RNF220: variants seen among roughly 807,000 people sequenced by gnomAD.
RNF220 encodes the protein ring finger protein 220.
In RNF220, 7 loss-of-function variants were observed where a neutral mutation model predicts 67.1. That is an observed-to-expected ratio of 0.10 (90% CI 0.06 to 0.20). RNF220 has a LOEUF of 0.20. RNF220 is among the 10% of genes least tolerant of loss of function. The probability of loss-of-function intolerance (pLI) is 1.00; values close to 1 mark genes in which losing one functional copy is unlikely to be tolerated. For synonymous variants in RNF220, 270 were observed against 283.2 expected, an observed-to-expected ratio of 0.95 and a Z score of 0.47; for missense variants, 565 against 740.3, an observed-to-expected ratio of 0.76 and a Z score of 2.75.
At chr1:44,635,410 T>C (rs369471881) in intron 6 of RNF220, 135 bp from the exon 7 acceptor site, 19 of 1,355,362 alleles carry the variant, frequency 1.4e-5, no homozygotes, top group South Asian at 1.3e-4. Flanking sequence ...TATTTCAAGA[T>C]GAGGGCCAGA....
intron 2 of RNF220, among the ~76,000 whole-genome samples, chr1:44,548,243 A>G (rs272567): frequency 0.99 from 151,104 of 152,292 alleles, 74,969 homozygotes; most frequent in Middle Eastern, 1. Flanking sequence ...CTTCTGACCA[A>G]TGTTCACCAT....
chr1:44,454,243 A>G (rs780764679), intron 2 of RNF220, among the ~76,000 whole-genome samples: 19 of 152,152 alleles, frequency 1.2e-4, no homozygotes, highest in Non-Finnish European at 2.4e-4. Flanking sequence ...TCATCTGTAA[A>G]TTATTTGAAA....
At chr1:44,482,920 C>CTTTTTTT (rs34268893) in intron 2 of RNF220, among the ~76,000 whole-genome samples, 23 of 69,162 alleles carry the variant, frequency 3.3e-4, no homozygotes, top group African/African-American at 7.0e-4. Context: ...CACACCCAGC[C>CTTTTTTT]TTTTTTTTTT....
At chr1:44,578,600 TAG>T (rs1665002507) in intron 2 of RNF220, among the ~76,000 whole-genome samples, 3 of 152,170 alleles carry the variant, frequency 2.0e-5, no homozygotes, top group African/African-American at 7.2e-5. Flanking sequence ...CTTCAGGGGA[TAG>T]AGAGTTCTGT....
chr1:44,647,916 C>T (rs1350274476), intron 12 of RNF220, among the ~76,000 whole-genome samples: 3 of 152,324 alleles, frequency 2.0e-5, no homozygotes, highest in East Asian at 1.9e-4. Flanking sequence ...CTGAGCTGTT[C>T]GTACCCCCAC....
chr1:44,552,547 C>A (rs943053650), intron 2 of RNF220, among the ~76,000 whole-genome samples: 1 of 146,698 alleles, frequency 6.8e-6, no homozygotes, highest in South Asian at 2.2e-4. Flanking sequence ...CAATGGCTCC[C>A]TGCTATTCTA....
chr1:44,506,713 G>C (rs1658464198), intron 2 of RNF220, among the ~76,000 whole-genome samples: 1 of 152,230 alleles, frequency 6.6e-6, no homozygotes, highest in South Asian at 2.1e-4. Flanking sequence ...ACGAACACTG[G>C]AGTAGGAGCC....
intron 2 of RNF220, among the ~76,000 whole-genome samples, chr1:44,488,727 C>CTTTTTTTTTTTTTTTTT (rs55968850): frequency 1.9e-5 from 2 of 102,566 alleles, no homozygotes; most frequent in African/African-American, 3.6e-5. Flanking sequence ...TTTCTTTTTT[C>CTTTTTTTTTTTTTTTTT]TTTTTTTTTT....
At chr1:44,538,296 T>C (rs1300678209) in intron 2 of RNF220, among the ~76,000 whole-genome samples, 1 of 152,222 alleles carries the variant, frequency 6.6e-6, no homozygotes, top group East Asian at 1.9e-4. Context: ...GTCATGTCTT[T>C]TCCGTCTGAT....
chr1:44,495,763 TTG>T (rs1181282189), intron 2 of RNF220, among the ~76,000 whole-genome samples: 3 of 152,262 alleles, frequency 2.0e-5, no homozygotes, highest in Non-Finnish European at 4.4e-5. Flanking sequence ...AGAATAAACT[TTG>T]TATATATTGG....
At chr1:44,489,147 G>A (rs1385540404) in intron 2 of RNF220, among the ~76,000 whole-genome samples, 3 of 152,132 alleles carry the variant, frequency 2.0e-5, no homozygotes, top group East Asian at 1.9e-4. Flanking sequence ...GAGTTGAAGC[G>A]TTCTTGTATT....
chr1:44,511,906 C>CGTGT (rs571261660), intron 2 of RNF220, among the ~76,000 whole-genome samples: 7 of 80,102 alleles, frequency 8.7e-5, no homozygotes, highest in African/African-American at 3.4e-4. Context: ...AATTGAGAAG[C>CGTGT]GTGTGTGTGC....
Position 44,645,554 on chromosome 1 carries a change from CAGGA to C in RNF220, c.1445+70_1445+73del. ...AGTGGGAGGAGGGGCCCTTTGCTAG[CAGGA>C]AGGCCTGCTGCCAGGGCTTCTGGCC... On this transcript the variant is annotated intron_variant, in intron 12 of 14. Transcript: ENST00000361799. This position sits in a 1 kb window ranked among gnomAD's most constrained non-coding sequence, Gnocchi z 5.0. The C allele has an allele frequency of 1.3e-6, 2 of 1,516,582 alleles. No homozygotes were observed. Among genetic ancestry groups the C allele is most frequent in the Non-Finnish European group, 1.8e-6 (2 of 1,100,462 alleles). The allele number at this position is 1,516,582 out of a possible 1,614,324, so 93.9% of individuals were successfully genotyped here.
At chr1:44,462,180 G>A (rs1275384813) in intron 2 of RNF220, among the ~76,000 whole-genome samples, 5 of 151,734 alleles carry the variant, frequency 3.3e-5, no homozygotes, top group Admixed American at 6.6e-5. Context: ...TGATCCGCCC[G>A]CCTCGGCCTC....
intron 2 of RNF220, among the ~76,000 whole-genome samples, chr1:44,510,513 T>A (rs770611596): frequency 4.6e-5 from 7 of 152,220 alleles, no homozygotes; most frequent in Non-Finnish European, 7.3e-5. Context: ...GTTTGTCTAA[T>A]ACGCAGGCTT....
At chr1:44,413,253 A>G (rs774410540) in intron 2 of RNF220, among the ~76,000 whole-genome samples, 11 of 152,198 alleles carry the variant, frequency 7.2e-5, no homozygotes, top group Non-Finnish European at 1.0e-4. Context: ...GGTGTCGTCA[A>G]TCACCATAAA....
intron 2 of RNF220, among the ~76,000 whole-genome samples, chr1:44,592,778 C>T (rs1288594370): frequency 6.6e-6 from 1 of 152,156 alleles, no homozygotes; most frequent in Non-Finnish European, 1.5e-5. Flanking sequence ...GCTAGCCATG[C>T]TTCCAGGTGC....
intron 1 of RNF220, 39 bp from the exon 2 acceptor site, chr1:44,411,942 T>G: frequency 1.4e-4 from 103 of 715,884 alleles, no homozygotes; most frequent in East Asian, 3.9e-4. Flanking sequence ...CCCCCTGACT[T>G]TCCTCCCCCT....
chr1:44,495,551 A>C (rs983339134), intron 2 of RNF220, among the ~76,000 whole-genome samples: 2 of 152,206 alleles, frequency 1.3e-5, no homozygotes, highest in African/African-American at 2.4e-5. Context: ...GACCTAAAAA[A>C]TGAATAAAAG....
Sources: gnomAD v4.1 joint callset for allele counts (sites outside exome capture counted in the v4.1 genomes callset) on GRCh38, gnomAD v4.1.1 for gene constraint, Gnocchi (gnomAD v3.1) non-coding constraint, MANE v1.5 for transcripts, NCBI Gene and HGNC (gene_info 2026-07-23, HGNC 2026-07-21) for gene names.